The following MIS18BP1 variants were observed in gnomAD, a reference collection of about 807,000 sequenced individuals.
The protein encoded by MIS18BP1 is MIS18 binding protein 1.
Under a neutral mutation model 116.1 loss-of-function variants are expected in MIS18BP1, and 72 were observed. The observed-to-expected ratio is 0.62, with a 90% CI of 0.51 to 0.75. MIS18BP1 has a LOEUF of 0.75. Ranked by LOEUF, MIS18BP1 falls within the 30% of genes least tolerant of loss-of-function variation. The pLI, the probability that MIS18BP1 is intolerant of heterozygous loss-of-function variation, is 0.00. For synonymous variants in MIS18BP1, 386 were observed against 427.0 expected (o/e 0.90, Z 1.18); for missense variants, 1,363 against 1,303.2 (o/e 1.05, Z -0.71).
intron 12 of MIS18BP1, 83 bp downstream of exon 12, chr14:45,218,199 G>C: frequency 7.4e-7 from 1 of 1,353,912 alleles, no homozygotes; most frequent in South Asian, 1.4e-5. Flanking sequence ...AATATTCATG[G>C]ATAAATATAA....
intron 10 of MIS18BP1, among the ~76,000 whole-genome samples, 199 bp from the exon 11 acceptor site, chr14:45,224,945 T>C (rs953222002): frequency 6.6e-6 from 1 of 152,230 alleles, no homozygotes; most frequent in Admixed American, 6.5e-5. Flanking sequence ...ACATATACTA[T>C]TGTTTATACA....
At chr14:45,212,468 G>C (rs28612865) in intron 13 of MIS18BP1, among the ~76,000 whole-genome samples, 3,884 of 152,202 alleles carry the variant, frequency 0.026, 166 homozygotes, top group African/African-American at 0.089. Flanking sequence ...CCCCCACCAG[G>C]AATGTTGTTA....
Position 45,242,995 on chromosome 14 carries a change from T to G in MIS18BP1, c.545-121A>C. On this transcript the variant is annotated intron_variant, in intron 2 of 16. Coordinates refer to ENST00000310806, the MANE Select transcript of MIS18BP1 (RefSeq NM_018353.5). ...TTTAGTAATGATCAGACCAGTATAG[T>G]ACTTTTGCAATATATGACAGTTACA... is the stretch of plus-strand genomic sequence containing the variant. 5 of 615,752 alleles carry G rather than the reference T, an allele frequency of 8.1e-6. No homozygotes were observed. The South Asian group carries it at 1.2e-4, about 15-fold the overall frequency. 38.1% of individuals were successfully genotyped at this position (615,752 alleles called of 1,614,324 possible).
In MIS18BP1 at chr14:45,226,934, G is replaced by A. The variant is rs374101620; in HGVS notation, c.1747-98C>T. 38 of 1,046,430 alleles carry A rather than the reference G, an allele frequency of 3.6e-5. No homozygotes were observed. In the Middle Eastern group the frequency reaches 2.2e-3, roughly 62 times the overall value. The allele number at this position is 1,046,430 out of a possible 1,614,324, so 64.8% of individuals were successfully genotyped here. A position where few individuals can be genotyped will look rare whatever the true frequency, so the allele number is the denominator to read the frequency against. On this transcript the variant is annotated intron_variant, in intron 9 of 16. Transcript: ENST00000310806. ...TATGCATCAAGCATACAAATTTCTA[G>A]GTACTTACAGTTCCGCAAATTTCAT...
chr14:45,207,203 ACT>A (rs1890541062), intron 14 of MIS18BP1, among the ~76,000 whole-genome samples: 1 of 151,870 alleles, frequency 6.6e-6, no homozygotes, highest in African/African-American at 2.4e-5. Context: ...CCATTTCCAT[ACT>A]CTCTCTTGGC....
chr14:45,220,367 T>C (rs910823982), intron 11 of MIS18BP1, among the ~76,000 whole-genome samples: 8 of 152,324 alleles, frequency 5.3e-5, no homozygotes, highest in South Asian at 2.1e-4. Flanking sequence ...TTTATTGATA[T>C]AGTTTAAATA....
intron 14 of MIS18BP1, among the ~76,000 whole-genome samples, chr14:45,209,233 A>T (rs1274317871): frequency 6.6e-6 from 1 of 152,164 alleles, no homozygotes; most frequent in African/African-American, 2.4e-5. Context: ...GCTTCTATTT[A>T]CACAAACAGT....
intron 13 of MIS18BP1, among the ~76,000 whole-genome samples, chr14:45,215,808 T>C (rs1890801602): frequency 6.7e-6 from 1 of 149,170 alleles, no homozygotes; most frequent in African/African-American, 2.5e-5. Context: ...GGGTTCATGC[T>C]ATTCTCCTGC....
At position 45,204,112 on chromosome 14, in the gene MIS18BP1, T is replaced by C. The variant is rs751462451; in HGVS notation, c.3396A>G (p.Ala1132=). 3.7e-6 allele frequency: 6 copies of C among 1,608,532 alleles called. No individual in the cohort carries two copies. The highest frequency in any genetic ancestry group is 2.5e-6 in the Non-Finnish European group (3 of 1,178,212). Residue 1132 remains alanine (A), a synonymous_variant, in exon 17 of 17, where the codon GCA becomes GCG. Coordinates refer to ENST00000310806, the MANE Select transcript of MIS18BP1 (RefSeq NM_018353.5). ...KDYYFSNSDS[A] is the part of the protein sequence containing the mutation. The stretch of plus-strand genomic sequence containing the variant: ...GGAATCATATTTTCTCATTTTACTA[T>C]GCAGAATCAGAGTTCGAAAAATAAT...
intron 15 of MIS18BP1, among the ~76,000 whole-genome samples, 170 bp downstream of exon 15, chr14:45,205,913 T>C (rs1328851980): frequency 6.6e-6 from 1 of 152,234 alleles, no homozygotes; most frequent in Non-Finnish European, 1.5e-5. Flanking sequence ...TGATGCCATC[T>C]GTAATCCTAC....
chr14:45,246,220 T>G (rs926265371), intron 2 of MIS18BP1, among the ~76,000 whole-genome samples: 5 of 152,162 alleles, frequency 3.3e-5, no homozygotes, highest in African/African-American at 1.2e-4. Context: ...AGGCCAAAAC[T>G]CTTACATTTA....
chr14:45,216,828 A>C (rs554333295), intron 13 of MIS18BP1, among the ~76,000 whole-genome samples, 191 bp downstream of exon 13: 2 of 152,348 alleles, frequency 1.3e-5, no homozygotes, highest in Admixed American at 6.5e-5. Context: ...CTTTGAACCA[A>C]CTGAAGTGCA....
chr14:45,207,359 A>G (rs1890546218), intron 14 of MIS18BP1, among the ~76,000 whole-genome samples: 1 of 152,238 alleles, frequency 6.6e-6, no homozygotes, highest in African/African-American at 2.4e-5. Flanking sequence ...AAACCTCGTC[A>G]GTTTTTAGCA....
chr14:45,208,428 G>T (rs1190982085), intron 14 of MIS18BP1, among the ~76,000 whole-genome samples: 4 of 151,264 alleles, frequency 2.6e-5, no homozygotes, highest in African/African-American at 9.7e-5. Context: ...TGCCTCCCGG[G>T]TTCAGGTGAT....
chr14:45,210,495 C>T lies in MIS18BP1; in HGVS notation c.3037G>A (p.Asp1013Asn). ...PSFQDSEDDDDILPNMDKNPT... is the reference protein window; with the variant it reads ...PSFQDSEDDDNILPNMDKNPT... ...TTTTTGTCCATATTTGGCAGAATATCATCATCATCTTCACTGTCCTGGAAA... is the reference window on the plus strand; with the variant it reads ...TTTTTGTCCATATTTGGCAGAATATTATCATCATCTTCACTGTCCTGGAAA... The change falls in exon 14 of 17, where the codon GAT becomes AAT. Residue 1013 changes from aspartate (D) to asparagine (N), a missense_variant. Physicochemically the swap from Asp to Asn is conservative, Grantham distance 23 (BLOSUM62 1). Coordinates refer to ENST00000310806, the MANE Select transcript of MIS18BP1 (RefSeq NM_018353.5). 1.2e-6 allele frequency: 2 copies of T among 1,613,824 alleles called. No individual in the cohort carries two copies. The highest frequency in any genetic ancestry group is 1.7e-6 in the Non-Finnish European group (2 of 1,179,884).
Position 45,224,399 on chromosome 14 carries a change from T to C in MIS18BP1, c.2188A>G (p.Asn730Asp), listed in dbSNP as rs1891064972. The C allele has an allele frequency of 6.2e-7, 1 of 1,613,870 alleles. No individual in the cohort carries two copies. The highest frequency in any genetic ancestry group is 8.5e-7 in the Non-Finnish European group (1 of 1,179,940). ...LTVNRKIKIS[N>D]LEKEQMLTSD... The stretch of plus-strand genomic sequence containing the variant: ...GTGAGCATTTGTTCCTTTTCAAGGT[T>C]AGATATTTTTATTTTCCGGTTGACA... The change falls in exon 11 of 17, where the codon AAC becomes GAC. Residue 730 changes from asparagine to aspartate, a missense_variant. Coordinates refer to ENST00000310806, the MANE Select transcript of MIS18BP1 (RefSeq NM_018353.5).
chr14:45,204,869 T>C (rs1386788234), intron 15 of MIS18BP1, among the ~76,000 whole-genome samples: 4 of 152,062 alleles, frequency 2.6e-5, no homozygotes, highest in African/African-American at 9.7e-5. Flanking sequence ...TATTACAGTA[T>C]AGTAATTACT....
intron 14 of MIS18BP1, among the ~76,000 whole-genome samples, chr14:45,207,005 T>C (rs1203266230): frequency 6.6e-6 from 1 of 152,190 alleles, no homozygotes; most frequent in African/African-American, 2.4e-5. Context: ...CTTTCTTGAA[T>C]TCCCCATACC....
In MIS18BP1 at chr14:45,246,861, A is replaced by G. The variant is rs747601002; in HGVS notation, c.426T>C (p.Ser142=). The G allele has an allele frequency of 5.0e-6, 8 of 1,610,522 alleles. No individual in the cohort carries two copies. The highest frequency in any genetic ancestry group is 4.5e-5 in the East Asian group (2 of 44,736). The change falls in exon 2 of 17, where the codon AGT becomes AGC. Residue 142 remains serine (S), a synonymous_variant. Transcript: ENST00000310806. The part of the protein sequence containing the change: ...RNSSLLEPQK[S]GNNETFTPNR... ...TAGGAGTGAAGGTTTCATTATTTCCACTTTTCTGTGGTTCCAACAAACTAC... is the reference window on the plus strand; with the variant it reads ...TAGGAGTGAAGGTTTCATTATTTCCGCTTTTCTGTGGTTCCAACAAACTAC...
Sources: gnomAD v4.1 joint callset for allele counts (sites outside exome capture counted in the v4.1 genomes callset) on GRCh38, gnomAD v4.1.1 for gene constraint, MANE v1.5 for transcripts, NCBI Gene and HGNC (gene_info 2026-07-23, HGNC 2026-07-21) for gene names.